C8A: variants seen among roughly 807,000 people sequenced by gnomAD.
C8A encodes the protein complement component C8 alpha chain.
C8A carries 67 observed loss-of-function variants against 65.3 expected under a neutral mutation model. The ratio of observed to expected loss-of-function variants is 1.03; its 90% CI spans 0.84 to 1.26. The LOEUF is 1.26. Ranked by LOEUF, C8A falls within the 50% of genes most tolerant of loss-of-function variation. C8A has a pLI of 0.00. For synonymous variants in C8A, 290 were observed against 259.4 expected, an observed-to-expected ratio of 1.12 and a Z score of -1.13; for missense variants, 781 against 723.9, an observed-to-expected ratio of 1.08 and a Z score of -0.90.
chr1:56,907,036 G>A (rs1391765546), intron 8 of C8A, among the ~76,000 whole-genome samples: 1 of 152,166 alleles, frequency 6.6e-6, no homozygotes, highest in Non-Finnish European at 1.5e-5. Flanking sequence ...TCAAGGGTTA[G>A]ACAAAGGTCC....
At chr1:56,905,268 T>C (rs1644454846) in intron 7 of C8A, among the ~76,000 whole-genome samples, 1 of 151,802 alleles carries the variant, frequency 6.6e-6, no homozygotes. Flanking sequence ...CTGAAAGGGG[T>C]CTTGGAGATG....
chr1:56,880,817 G>A (rs910384281), intron 4 of C8A, among the ~76,000 whole-genome samples: 3 of 151,992 alleles, frequency 2.0e-5, no homozygotes, highest in Non-Finnish European at 4.4e-5. Flanking sequence ...ACTCTATGAG[G>A]GCAGTAGTAT....
Position 56,895,460 on chromosome 1 carries a change from C to A in C8A, c.1096+9293C>A, listed in dbSNP as rs192744899. Among the ~76,000 whole-genome samples the A allele has an allele frequency of 7.8e-4, 119 of 152,220 alleles. 1 individual carries two copies. The highest frequency in any genetic ancestry group is 2.7e-3 in the African/African-American group (112 of 41,534). On this transcript the variant is annotated intron_variant, in intron 7 of 10. Coordinates refer to ENST00000361249, the MANE Select transcript of C8A (RefSeq NM_000562.3). ...TACTTGGTGAAGTCAAACTCAAGAA[C>A]CTGTAATGTTAAGCAAGGTGCTATA...
In C8A at chr1:56,854,970, G is replaced by C; in HGVS notation, c.69G>C (p.Lys23Asn). 1 of 1,613,446 alleles carries C rather than the reference G, an allele frequency of 6.2e-7. No homozygotes were observed. The highest frequency in any genetic ancestry group is 8.5e-7 in the Non-Finnish European group (1 of 1,179,540). Residue 23 changes from lysine (K) to asparagine (N), a missense_variant, in exon 1 of 11, where the codon AAG (lysine) becomes AAC (asparagine). Physicochemically the swap from Lys to Asn is moderately conservative, Grantham distance 94 (BLOSUM62 0). Coordinates refer to ENST00000361249, the MANE Select transcript of C8A (RefSeq NM_000562.3). ...AGCCTGGGGTAACTGCACAGGAGAA[G>C]GTGAACCAGTAAGTGGGCCATATGT... ...TCQPGVTAQEKVNQRVRRAAT... is the reference protein window; with the variant it reads ...TCQPGVTAQENVNQRVRRAAT...
At position 56,896,193 on chromosome 1, in the gene C8A, A is replaced by G. The variant is rs952888231; in HGVS notation, c.1096+10026A>G. 5.3e-5 allele frequency among the ~76,000 whole-genome samples: 8 copies of G among 152,134 alleles called. No homozygotes were observed. In the East Asian group the frequency reaches 1.2e-3, roughly 22 times the overall value. On this transcript the variant is annotated intron_variant, in intron 7 of 10. Transcript: ENST00000361249. ...CAAACAGAACTAATAGAATACCTGTATCTGTCTCTATTATTTATCTTTATA... is the reference window on the plus strand; with the variant it reads ...CAAACAGAACTAATAGAATACCTGTGTCTGTCTCTATTATTTATCTTTATA...
chr1:56,859,287 A>G (rs1163452218), intron 1 of C8A, among the ~76,000 whole-genome samples: 1 of 152,240 alleles, frequency 6.6e-6, no homozygotes, highest in East Asian at 1.9e-4. Flanking sequence ...AGATTATATG[A>G]GATAATATAT....
intron 7 of C8A, among the ~76,000 whole-genome samples, chr1:56,894,799 A>C (rs1027530534): frequency 1.1e-4 from 16 of 152,238 alleles, no homozygotes; most frequent in Admixed American, 6.5e-5. Flanking sequence ...TGTCCCTCTC[A>C]TCAGGGGGCT....
intron 5 of C8A, among the ~76,000 whole-genome samples, chr1:56,881,874 A>T (rs1407318789): frequency 1.3e-5 from 2 of 152,156 alleles, no homozygotes; most frequent in Non-Finnish European, 2.9e-5. Flanking sequence ...AGTAAAATAG[A>T]TCTGAGGCTC....
At chr1:56,863,522 G>T (rs1644054426) in intron 1 of C8A, among the ~76,000 whole-genome samples, 1 of 152,158 alleles carries the variant, frequency 6.6e-6, no homozygotes, top group South Asian at 2.1e-4. Flanking sequence ...CAGTCTCTAT[G>T]GGCTTACAAT....
At chr1:56,917,344 C>T (rs1644560668) in intron 10 of C8A, among the ~76,000 whole-genome samples, 1 of 152,226 alleles carries the variant, frequency 6.6e-6, no homozygotes, top group African/African-American at 2.4e-5. Flanking sequence ...CTGCCATGGT[C>T]TCTGCAGTGA....
Position 56,906,788 on chromosome 1 carries a change from A to G in C8A, c.1218A>G (p.Lys406=). Residue 406 remains lysine, a synonymous_variant, in exon 8 of 11, where the codon AAA becomes AAG. Coordinates refer to ENST00000361249, the MANE Select transcript of C8A (RefSeq NM_000562.3). ...GDHCKKFGGG[K]TERARKAMAV... ...ATTGTAAAAAATTTGGAGGTGGCAA[A>G]ACTGGCAAGTGTTTAGTAATAGATC... 1 of 1,614,070 alleles carries G rather than the reference A, an allele frequency of 6.2e-7. No homozygotes were observed. Among genetic ancestry groups the G allele is most frequent in the South Asian group, 1.1e-5 (1 of 91,084 alleles).
chr1:56,906,132 G>T (rs1557714223), intron 7 of C8A, among the ~76,000 whole-genome samples: 1 of 152,154 alleles, frequency 6.6e-6, no homozygotes, highest in Non-Finnish European at 1.5e-5. Context: ...GAATTGTGAT[G>T]AAGATGATCA....
intron 6 of C8A, among the ~76,000 whole-genome samples, chr1:56,884,067 T>TA (rs61268937): frequency 0.018 from 2,256 of 126,316 alleles, 18 homozygotes; most frequent in Middle Eastern, 0.034. Context: ...ACTGGTATGC[T>TA]AAAAAAAAAA....
At chr1:56,893,402 TAC>T (rs1644363620) in intron 7 of C8A, among the ~76,000 whole-genome samples, 1 of 152,202 alleles carries the variant, frequency 6.6e-6, no homozygotes, top group Admixed American at 6.6e-5. Context: ...TGAAGTCAGA[TAC>T]ATCTGGGTGG....
intron 4 of C8A, 89 bp from the exon 5 acceptor site, chr1:56,881,356 C>T (rs1009279198): frequency 1.3e-5 from 17 of 1,277,042 alleles, no homozygotes; most frequent in African/African-American, 7.3e-5. Flanking sequence ...AAACGTGTGC[C>T]ATGGTGGTTT....
Position 56,881,580 on chromosome 1 carries a change from A to G in C8A, c.600A>G (p.Gly200=). Residue 200 remains glycine, a synonymous_variant, in exon 5 of 11, where the codon GGA becomes GGG. Coordinates refer to ENST00000361249, the MANE Select transcript of C8A (RefSeq NM_000562.3). ...YDSTCERLYY[G]DDEKYFRKPY... Reference sequence around the variant, plus strand: ...CCACCTGTGAACGTCTCTACTATGGAGATGATGAGAAATACTTTCGGAAAC... The same window carrying G: ...CCACCTGTGAACGTCTCTACTATGGGGATGATGAGAAATACTTTCGGAAAC... 6.2e-7 allele frequency: 1 copy of G among 1,613,774 alleles called. No individual in the cohort carries two copies. Among genetic ancestry groups the G allele is most frequent in the Non-Finnish European group, 8.5e-7 (1 of 1,179,772 alleles).
chr1:56,899,082 G>A (rs1165459538), intron 7 of C8A, among the ~76,000 whole-genome samples: 3 of 152,066 alleles, frequency 2.0e-5, no homozygotes, highest in Non-Finnish European at 4.4e-5. Flanking sequence ...ATGACAACCA[G>A]TCTTCACGGT....
At chr1:56,914,730 T>G (rs1178280190) in intron 10 of C8A, among the ~76,000 whole-genome samples, 1 of 152,150 alleles carries the variant, frequency 6.6e-6, no homozygotes, top group African/African-American at 2.4e-5. Flanking sequence ...AATGGCGTGA[T>G]CTCAGCTCAT....
At chr1:56,865,890 C>T (rs916829504) in intron 1 of C8A, among the ~76,000 whole-genome samples, 1 of 152,098 alleles carries the variant, frequency 6.6e-6, no homozygotes, top group Non-Finnish European at 1.5e-5. Flanking sequence ...ACTCAGTGAA[C>T]CATTATTTTC....
Sources: gnomAD v4.1 joint callset for allele counts (sites outside exome capture counted in the v4.1 genomes callset) on GRCh38, gnomAD v4.1.1 for gene constraint, MANE v1.5 for transcripts, NCBI Gene and HGNC (gene_info 2026-07-23, HGNC 2026-07-21) for gene names.